ETV6: variants seen among roughly 807,000 people sequenced by gnomAD.
ETV6 encodes ETS variant transcription factor 6.
In ETV6, 16 loss-of-function variants were observed where a neutral mutation model predicts 51.1. That is an observed-to-expected ratio of 0.31 (90% CI 0.21 to 0.48). ETV6 has a LOEUF of 0.48. Among genes scored for constraint, ETV6 ranks in the 20% least tolerant of loss-of-function variants. The probability of loss-of-function intolerance (pLI) is 0.99; values close to 1 mark genes in which losing one functional copy is unlikely to be tolerated. For synonymous variants in ETV6, 240 were observed against 224.1 expected, an observed-to-expected ratio of 1.07 and a Z score of -0.64; for missense variants, 458 against 594.8, an observed-to-expected ratio of 0.77 and a Z score of 2.39.
intron 1 of ETV6, among the ~76,000 whole-genome samples, chr12:11,675,985 A>G (rs1864415479): frequency 1.3e-5 from 2 of 152,182 alleles, no homozygotes; most frequent in South Asian, 4.1e-4. Context: ...GGAACTGGGT[A>G]CCTAGAAGTG....
chr12:11,742,811 T>TC (rs1169097781), intron 1 of ETV6, among the ~76,000 whole-genome samples: 39 of 147,558 alleles, frequency 2.6e-4, no homozygotes, highest in Admixed American at 6.0e-4. Context: ...CTTTCTTTTT[T>TC]TTTTTTTTTT....
Position 11,658,471 on chromosome 12 carries a change from T to C in ETV6, c.33+8311T>C, listed in dbSNP as rs112504971. Among the ~76,000 whole-genome samples the C allele has an allele frequency of 9.9e-3, 1,509 of 152,298 alleles. 6 individuals carry two copies. The highest frequency in any genetic ancestry group is 0.014 in the Non-Finnish European group (934 of 68,024). On this transcript the variant is annotated intron_variant, in intron 1 of 7. Transcript: ENST00000396373. ...GGTGGACTCAAACTCCCGACTTCAA[T>C]TGATCCTCCTGCCTCGGCCTCTGAA...
At chr12:11,702,636 T>A (rs142073654) in intron 1 of ETV6, among the ~76,000 whole-genome samples, 174 of 152,152 alleles carry the variant, frequency 1.1e-3, no homozygotes, top group African/African-American at 3.9e-3. Flanking sequence ...AACAAAAATT[T>A]CATGCAAGGG....
intron 2 of ETV6, among the ~76,000 whole-genome samples, chr12:11,785,672 C>T (rs1945474687): frequency 6.6e-6 from 1 of 152,128 alleles, no homozygotes; most frequent in African/African-American, 2.4e-5. Context: ...TTTTCATTTC[C>T]ATGTGTGCCT....
chr12:11,714,649 G>GAA (rs10709538), intron 1 of ETV6, among the ~76,000 whole-genome samples: 1,613 of 86,990 alleles, frequency 0.019, 81 homozygotes, highest in African/African-American at 0.071. Flanking sequence ...ACCTTGAGGT[G>GAA]AAAAAAAAAA....
At chr12:11,828,008 C>T (rs558560756) in intron 2 of ETV6, among the ~76,000 whole-genome samples, 13 of 152,306 alleles carry the variant, frequency 8.5e-5, no homozygotes, top group African/African-American at 2.4e-4. Context: ...CCAGCAGTTT[C>T]GATTTCTCAA....
At chr12:11,846,210 C>T (rs1010103113) in intron 3 of ETV6, among the ~76,000 whole-genome samples, 3 of 143,132 alleles carry the variant, frequency 2.1e-5, no homozygotes, top group Non-Finnish European at 4.5e-5. Flanking sequence ...ACCTCTCCCA[C>T]ACCAGGCATA....
intron 5 of ETV6, among the ~76,000 whole-genome samples, chr12:11,880,918 C>T (rs1591746218): frequency 6.6e-6 from 1 of 152,158 alleles, no homozygotes; most frequent in Admixed American, 6.5e-5. Flanking sequence ...TACTTTCGTT[C>T]GTCCTGATTT....
intron 1 of ETV6, among the ~76,000 whole-genome samples, chr12:11,727,656 G>A (rs1169096113): frequency 6.8e-6 from 1 of 146,994 alleles, no homozygotes; most frequent in Admixed American, 6.8e-5. Flanking sequence ...ACATGGTCAT[G>A]AAAAGTGCAG....
At chr12:11,838,989 G>T in intron 2 of ETV6, 151 bp from the exon 3 acceptor site, 2 of 804,816 alleles carry the variant, frequency 2.5e-6, no homozygotes, top group South Asian at 2.4e-5. Flanking sequence ...CTCAAACAAG[G>T]GCTGGAGAGG....
chr12:11,844,113 C>T (rs1946428132), intron 3 of ETV6, among the ~76,000 whole-genome samples: 1 of 151,860 alleles, frequency 6.6e-6, no homozygotes, highest in Non-Finnish European at 1.5e-5. Context: ...AACACATTGA[C>T]AGGAGGGAAC....
chr12:11,832,309 A>AATT (rs1946255516), intron 2 of ETV6, among the ~76,000 whole-genome samples: 5 of 152,244 alleles, frequency 3.3e-5, no homozygotes, highest in Non-Finnish European at 7.3e-5. Context: ...AAACATTGAC[A>AATT]GAAGGGAATT....
intron 2 of ETV6, among the ~76,000 whole-genome samples, chr12:11,765,347 G>C (rs1945147428): frequency 6.6e-6 from 1 of 152,114 alleles, no homozygotes; most frequent in Non-Finnish European, 1.5e-5. Context: ...GGCCGTCTTA[G>C]ATCCTCATCT....
intron 2 of ETV6, among the ~76,000 whole-genome samples, chr12:11,784,325 G>T (rs1945450799): frequency 6.6e-6 from 1 of 152,074 alleles, no homozygotes; most frequent in Admixed American, 6.5e-5. Context: ...TACTCAGGAG[G>T]CTAAGGCAGG....
At chr12:11,803,351 T>TA (rs1945779601) in intron 2 of ETV6, among the ~76,000 whole-genome samples, 1 of 152,128 alleles carries the variant, frequency 6.6e-6, no homozygotes, top group Non-Finnish European at 1.5e-5. Context: ...TCCTAGAAAA[T>TA]AGAGACCATA....
At chr12:11,864,490 CTG>C (rs1275238844) in intron 4 of ETV6, among the ~76,000 whole-genome samples, 53 of 152,330 alleles carry the variant, frequency 3.5e-4, no homozygotes, top group African/African-American at 9.4e-4. Flanking sequence ...AAAGTTCAAA[CTG>C]GAACTGTCTT....
chr12:11,777,157 G>C (rs1397767375), intron 2 of ETV6, among the ~76,000 whole-genome samples: 1 of 148,018 alleles, frequency 6.8e-6, no homozygotes. Context: ...GGAGAATGGC[G>C]TGAACCTGGG....
intron 2 of ETV6, among the ~76,000 whole-genome samples, chr12:11,819,630 CTATT>C (rs1186618628): frequency 1.3e-5 from 2 of 152,228 alleles, no homozygotes; most frequent in Non-Finnish European, 1.5e-5. Flanking sequence ...GCGGGCCCCT[CTATT>C]CATCTAGTTT....
intron 2 of ETV6, among the ~76,000 whole-genome samples, chr12:11,815,266 A>G (rs1033231437): frequency 2.0e-5 from 3 of 152,238 alleles, no homozygotes; most frequent in Admixed American, 6.5e-5. Context: ...TGAGTGCCTT[A>G]GCTGAGTCCT....
Sources: allele counts gnomAD v4.1 joint callset (sites outside exome capture counted in the v4.1 genomes callset), GRCh38; gene constraint gnomAD v4.1.1; transcripts MANE v1.5; gene names NCBI Gene and HGNC (gene_info 2026-07-23, HGNC 2026-07-21).